SMAD2: variants seen among roughly 807,000 people sequenced by gnomAD.
SMAD2 encodes MAD homolog 2.
Under a neutral mutation model 64.4 loss-of-function variants are expected in SMAD2, and 8 were observed. That is an observed-to-expected ratio of 0.12 (90% CI 0.07 to 0.22). The LOEUF is 0.22. SMAD2 is among the 10% of genes least tolerant of loss of function. The probability of loss-of-function intolerance (pLI) is 1.00; values close to 1 mark genes in which losing one functional copy is unlikely to be tolerated. For synonymous variants in SMAD2, 203 were observed against 195.8 expected (o/e 1.04, Z -0.31); for missense variants, 289 against 561.2 (o/e 0.51, Z 4.90).
At chr18:47,872,034 A>C (rs78600093) in intron 2 of SMAD2, among the ~76,000 whole-genome samples, 2,315 of 152,336 alleles carry the variant, frequency 0.015, 61 homozygotes, top group African/African-American at 0.053. Context: ...ATAGAGCATG[A>C]AGTTTACATT....
chr18:47,843,895 C>G (rs1914217710), intron 10 of SMAD2, among the ~76,000 whole-genome samples: 1 of 152,062 alleles, frequency 6.6e-6, no homozygotes, highest in Non-Finnish European at 1.5e-5. Flanking sequence ...ACATGGAATT[C>G]TCTCTGTAAT....
Position 47,836,843 on chromosome 18 carries a change from A to T in SMAD2, c.*4984T>A, listed in dbSNP as rs1792666. 0.42 allele frequency: 89,148 copies of T among 212,908 alleles called. 19,724 individuals carry two copies. Among genetic ancestry groups the T allele is most frequent in the East Asian group, 0.58 (8,273 of 14,346 alleles). The allele number at this position is 212,908 out of a possible 1,614,324, so 13.2% of individuals were successfully genotyped here. ...CACAGGAATTCCACTCCAAGAGATAATTTGCCCCTCAATCCCTACAAAGTG... is the reference window on the plus strand; with the variant it reads ...CACAGGAATTCCACTCCAAGAGATATTTTGCCCCTCAATCCCTACAAAGTG... On this transcript the variant is annotated 3_prime_UTR_variant, in exon 11 of 11. Coordinates refer to ENST00000262160, the MANE Select transcript of SMAD2 (RefSeq NM_005901.6).
Position 47,833,963 on chromosome 18 carries a change from T to C in SMAD2, c.*7864A>G, listed in dbSNP as rs191574150. The C allele has an allele frequency of 4.4e-4, 99 of 224,608 alleles. No homozygotes were observed. The highest frequency in any genetic ancestry group is 5.8e-4 in the Non-Finnish European group (66 of 112,828). 13.9% of individuals were successfully genotyped at this position (224,608 alleles called of 1,614,324 possible). A position where few individuals can be genotyped will look rare whatever the true frequency, so the allele number is the denominator to read the frequency against. ...ACATAGGTTCAGAAGAACTTAGCTA[T>C]CTAGTTGGCCTCTTCTCTGTTCCAT... On this transcript the variant is annotated 3_prime_UTR_variant, in exon 11 of 11. Transcript: ENST00000262160.
intron 1 of SMAD2, among the ~76,000 whole-genome samples, chr18:47,908,341 G>A (rs948604): frequency 3.3e-5 from 5 of 151,926 alleles, no homozygotes; most frequent in African/African-American, 4.8e-5. Flanking sequence ...TAATTGACCC[G>A]TGGACAACAT....
At chr18:47,881,897 C>T (rs1045494884) in intron 2 of SMAD2, among the ~76,000 whole-genome samples, 2 of 151,818 alleles carry the variant, frequency 1.3e-5, no homozygotes, top group East Asian at 3.9e-4. Context: ...TTGTTTTGCC[C>T]GACAGGGTCT....
intron 9 of SMAD2, 57 bp from the exon 10 acceptor site, chr18:47,845,541 T>C: frequency 6.3e-7 from 1 of 1,589,562 alleles, no homozygotes; most frequent in Non-Finnish European, 8.6e-7. Flanking sequence ...TAAAAAGTAA[T>C]TTTAAAAGGG....
In SMAD2 at chr18:47,837,166, T is replaced by C. The variant is rs530848224; in HGVS notation, c.*4661A>G. On this transcript the variant is annotated 3_prime_UTR_variant, in exon 11 of 11. Coordinates refer to ENST00000262160, the MANE Select transcript of SMAD2 (RefSeq NM_005901.6). ...AATTAAAATGATTGATCAATTTGAA[T>C]AGCAACCTTCATGATGAAGAAATTA... is the stretch of plus-strand genomic sequence containing the variant. 1 of 201,544 alleles carries C rather than the reference T, an allele frequency of 5.0e-6. No individual in the cohort carries two copies. The highest frequency in any genetic ancestry group is 1.0e-5 in the Non-Finnish European group (1 of 98,038). 12.5% of individuals were successfully genotyped at this position (201,544 alleles called of 1,614,324 possible). A position where few individuals can be genotyped will look rare whatever the true frequency, so the allele number is the denominator to read the frequency against.
chr18:47,835,252 T>C lies in SMAD2; in HGVS notation c.*6575A>G, dbSNP rs1164270950. On this transcript the variant is annotated 3_prime_UTR_variant, in exon 11 of 11. Coordinates refer to ENST00000262160, the MANE Select transcript of SMAD2 (RefSeq NM_005901.6). Reference sequence around the variant, plus strand: ...AAGTACCAATTTGGGTTCTATATTTTGTCAAACAGTTGGGTTTTTAAAAAA... The same window carrying C: ...AAGTACCAATTTGGGTTCTATATTTCGTCAAACAGTTGGGTTTTTAAAAAA... 9 of 216,160 alleles carry C rather than the reference T, an allele frequency of 4.2e-5. No homozygotes were observed. The East Asian group carries it at 6.1e-4, about 15-fold the overall frequency. 13.4% of individuals were successfully genotyped at this position (216,160 alleles called of 1,614,324 possible).
intron 2 of SMAD2, among the ~76,000 whole-genome samples, chr18:47,885,626 G>T (rs1180654211): frequency 6.6e-6 from 1 of 152,124 alleles, no homozygotes; most frequent in African/African-American, 2.4e-5. Flanking sequence ...TCCATGGACA[G>T]AAAATACTAG....
Position 47,831,899 on chromosome 18 carries a change from T to C in SMAD2, c.*9928A>G, listed in dbSNP as rs924068192. 2 of 129,376 alleles carry C rather than the reference T, an allele frequency of 1.5e-5. No individual in the cohort carries two copies. Among genetic ancestry groups the C allele is most frequent in the Non-Finnish European group, 3.3e-5 (2 of 61,012 alleles). The allele number at this position is 129,376 out of a possible 1,614,324, so 8.0% of individuals were successfully genotyped here. A position where few individuals can be genotyped will look rare whatever the true frequency, so the allele number is the denominator to read the frequency against. On this transcript the variant is annotated 3_prime_UTR_variant, in exon 11 of 11. Transcript: ENST00000262160. Reference sequence around the variant, plus strand: ...TTCTATTCCTTTATTTGTAAACTTATAATTTTTAGGTTGGGCTTACTATTT... The same window carrying C: ...TTCTATTCCTTTATTTGTAAACTTACAATTTTTAGGTTGGGCTTACTATTT...
chr18:47,839,214 T>C lies in SMAD2; in HGVS notation c.*2613A>G, dbSNP rs549270393. ...GTACAGAAAAATCGCATCAGAACTG[T>C]AGAGATGCGCTCCACTACTGAAACA... is the stretch of plus-strand genomic sequence containing the variant. On this transcript the variant is annotated 3_prime_UTR_variant, in exon 11 of 11. Transcript: ENST00000262160. The C allele has an allele frequency of 3.1e-4, 72 of 233,332 alleles. No homozygotes were observed. The highest frequency in any genetic ancestry group is 5.4e-4 in the Non-Finnish European group (64 of 118,048). 14.5% of individuals were successfully genotyped at this position (233,332 alleles called of 1,614,324 possible).
Position 47,819,312 on chromosome 18 carries a change from G to C in SMAD2, c.*22515C>G, listed in dbSNP as rs1912483108. ...AAAACAGAATGATCTTTGTATAACT[G>C]TAAGTTGAACTAATTTTGTATTATT... On this transcript the variant is annotated 3_prime_UTR_variant, in exon 11 of 11. Coordinates refer to ENST00000262160, the MANE Select transcript of SMAD2 (RefSeq NM_005901.6). 6.6e-6 allele frequency: 1 copy of C among 152,148 alleles called. No individual in the cohort carries two copies. Among genetic ancestry groups the C allele is most frequent in the African/African-American group, 2.4e-5 (1 of 41,420 alleles). The allele number at this position is 152,148 out of a possible 1,614,324, so 9.4% of individuals were successfully genotyped here.
intron 2 of SMAD2, among the ~76,000 whole-genome samples, chr18:47,878,808 A>T (rs2032416341): frequency 6.6e-6 from 1 of 152,170 alleles, no homozygotes; most frequent in Non-Finnish European, 1.5e-5. Context: ...AGTTACGAGT[A>T]AGCACCCTAC....
intron 1 of SMAD2, among the ~76,000 whole-genome samples, chr18:47,919,569 A>T (rs2034482990): frequency 6.6e-6 from 1 of 151,644 alleles, no homozygotes; most frequent in East Asian, 1.9e-4. Flanking sequence ...AATCCCTAAT[A>T]TGCTAGTGAG....
At chr18:47,886,566 T>TATCC (rs1555655790) in intron 2 of SMAD2, among the ~76,000 whole-genome samples, 43 of 124,312 alleles carry the variant, frequency 3.5e-4, no homozygotes, top group Middle Eastern at 3.8e-3. Context: ...TATCTATATC[T>TATCC]ATCCATCTAT....
rs1372763018 is a variant in SMAD2, at chr18:47,850,399, T to TAC, written c.784+874_784+875insGT. Among the ~76,000 whole-genome samples, 11 of 23,572 alleles carry TAC rather than the reference T, an allele frequency of 4.7e-4. 2 individuals are homozygous for TAC. Among genetic ancestry groups the TAC allele is most frequent in the African/African-American group, 1.5e-3 (8 of 5,294 alleles). The allele number at this position is 23,572 out of a possible 152,430, so 15.5% of individuals were successfully genotyped here. On this transcript the variant is annotated intron_variant, in intron 7 of 10. Coordinates refer to ENST00000262160, the MANE Select transcript of SMAD2 (RefSeq NM_005901.6). The stretch of plus-strand genomic sequence containing the variant: ...TATATATATTATATAATATATATTA[T>TAC]ATATTATGTATAATATATATAATAT...
chr18:47,878,676 T>C (rs77879711), intron 2 of SMAD2, among the ~76,000 whole-genome samples: 5,439 of 152,148 alleles, frequency 0.036, 128 homozygotes, highest in Non-Finnish European at 0.055. Context: ...GAGAGGAATA[T>C]CTCAGAAAAG....
chr18:47,862,659 G>T (rs1341855565), intron 6 of SMAD2, among the ~76,000 whole-genome samples: 1 of 152,138 alleles, frequency 6.6e-6, no homozygotes, highest in Non-Finnish European at 1.5e-5. Flanking sequence ...CTGAGGTATT[G>T]GAGGTTAGCA....
At chr18:47,885,132 T>TACAC (rs57342899) in intron 2 of SMAD2, among the ~76,000 whole-genome samples, 27 of 142,182 alleles carry the variant, frequency 1.9e-4, no homozygotes, top group African/African-American at 4.5e-4. Flanking sequence ...TTTAGTCATA[T>TACAC]ACACACACAC....
Sources: gnomAD v4.1 joint callset for allele counts (sites outside exome capture counted in the v4.1 genomes callset) on GRCh38, gnomAD v4.1.1 for gene constraint, MANE v1.5 for transcripts, NCBI Gene and HGNC (gene_info 2026-07-23, HGNC 2026-07-21) for gene names.